The following PPP1R14C variants were observed in gnomAD, a reference collection of about 807,000 sequenced individuals.
PPP1R14C encodes protein phosphatase 1 regulatory subunit 14C.
A neutral mutation model predicts 20.4 loss-of-function variants in PPP1R14C; 16 were observed. The ratio of observed to expected loss-of-function variants is 0.78; its 90% CI spans 0.53 to 1.19. The LOEUF (loss-of-function observed/expected upper bound fraction) is 1.19, where lower values mean the gene tolerates loss of function less well. PPP1R14C is among the 50% of genes most tolerant of loss of function. The probability of loss-of-function intolerance (pLI) is 0.00; values close to 1 mark genes in which losing one functional copy is unlikely to be tolerated. For missense variants in PPP1R14C, 211 were observed against 220.1 expected, an observed-to-expected ratio of 0.96 and a Z score of 0.26; for synonymous variants, 91 against 91.0, an observed-to-expected ratio of 1.00 and a Z score of 0.00.
chr6:150,164,990 G>A (rs964805750), intron 1 of PPP1R14C, among the ~76,000 whole-genome samples: 2 of 152,210 alleles, frequency 1.3e-5, no homozygotes, highest in Non-Finnish European at 2.9e-5. Context: ...CTGCAAACCA[G>A]GAAGCTGGCT....
At chr6:150,176,956 C>A (rs1047189537) in intron 1 of PPP1R14C, among the ~76,000 whole-genome samples, 10 of 152,210 alleles carry the variant, frequency 6.6e-5, no homozygotes, top group African/African-American at 2.4e-4. Context: ...CTCCAGTGAT[C>A]CGGCCTCCCC....
chr6:150,185,195 A>G lies in PPP1R14C; in HGVS notation c.307-29549A>G, dbSNP rs1777663577. Among the ~76,000 whole-genome samples, 1 of 152,064 alleles carries G rather than the reference A, an allele frequency of 6.6e-6. No individual in the cohort carries two copies. The highest frequency in any genetic ancestry group is 1.5e-5 in the Non-Finnish European group (1 of 68,010). On this transcript the variant is annotated intron_variant, in intron 1 of 3. Coordinates refer to ENST00000361131, the MANE Select transcript of PPP1R14C (RefSeq NM_030949.3). The surrounding 1 kb of genome is among the most constrained non-coding windows in gnomAD (Gnocchi z 4.1). Reference sequence around the variant, plus strand: ...ATTTACTCAACTTCTTTCTTTATCGATTTCCTCATCTATAACATGTCAACA... The same window carrying G: ...ATTTACTCAACTTCTTTCTTTATCGGTTTCCTCATCTATAACATGTCAACA...
At chr6:150,197,087 T>C (rs548433887) in intron 1 of PPP1R14C, among the ~76,000 whole-genome samples, 69 of 152,272 alleles carry the variant, frequency 4.5e-4, no homozygotes, top group African/African-American at 1.5e-3. Flanking sequence ...TTGCTGCACC[T>C]CTATAGATCC....
At chr6:150,236,958 A>G (rs538876181) in intron 3 of PPP1R14C, among the ~76,000 whole-genome samples, 1 of 152,216 alleles carries the variant, frequency 6.6e-6, no homozygotes, top group East Asian at 1.9e-4. Context: ...CTAAGCTGGG[A>G]AAACTGACCA....
At chr6:150,165,443 A>C (rs1387006499) in intron 1 of PPP1R14C, among the ~76,000 whole-genome samples, 1 of 152,228 alleles carries the variant, frequency 6.6e-6, no homozygotes, top group Admixed American at 6.5e-5. Flanking sequence ...CTGCTGGCTA[A>C]AGTCCTTGGG....
At chr6:150,166,238 G>A (rs552407017) in intron 1 of PPP1R14C, among the ~76,000 whole-genome samples, 95 of 151,926 alleles carry the variant, frequency 6.3e-4, no homozygotes, top group Non-Finnish European at 1.3e-3. Context: ...CCGCTACCAC[G>A]CCCGGCTAAT....
intron 3 of PPP1R14C, among the ~76,000 whole-genome samples, chr6:150,240,648 A>G (rs370479824): frequency 2.0e-5 from 3 of 152,230 alleles, no homozygotes; most frequent in South Asian, 4.1e-4. Flanking sequence ...GAGAGGACCT[A>G]TCAGAAGTAC....
chr6:150,248,528 C>T lies in PPP1R14C; in HGVS notation c.424-218C>T, dbSNP rs377456882. 3.2e-4 allele frequency among the ~76,000 whole-genome samples: 49 copies of T among 152,264 alleles called. 1 individual carries two copies. The South Asian group carries it at 8.1e-3, about 25-fold the overall frequency. ...GTAGTGAAAGTAGCCTGGTTTCCCCCGTAAAGAAAGTAGAACAATAAGAAG... is the reference window on the plus strand; with the variant it reads ...GTAGTGAAAGTAGCCTGGTTTCCCCTGTAAAGAAAGTAGAACAATAAGAAG... On this transcript the variant is annotated intron_variant, in intron 3 of 3. Coordinates refer to ENST00000361131, the MANE Select transcript of PPP1R14C (RefSeq NM_030949.3).
At chr6:150,213,976 G>A (rs760650148) in intron 1 of PPP1R14C, among the ~76,000 whole-genome samples, 4 of 152,216 alleles carry the variant, frequency 2.6e-5, no homozygotes, top group African/African-American at 4.8e-5. Context: ...TCTGCCTAAC[G>A]TGGAGTCAGC....
rs1376035122 is a variant in PPP1R14C at position 150,143,429 on chromosome 6, G to A, written c.237G>A (p.Lys79=). 3 of 1,612,270 alleles carry A rather than the reference G, an allele frequency of 1.9e-6. No homozygotes were observed. The Admixed American group carries it at 5.0e-5, about 27-fold the overall frequency. ...QGKVTVKYDR[K]ELRKRLVLEE... ...AAGTGACAGTGAAATACGATCGTAAGGAGCTTCGGAAGCGGCTGGTGCTGG... is the reference window on the plus strand; with the variant it reads ...AAGTGACAGTGAAATACGATCGTAAAGAGCTTCGGAAGCGGCTGGTGCTGG... Residue 79 remains lysine, a synonymous_variant, in exon 1 of 4, where the codon AAG becomes AAA. Transcript: ENST00000361131. This position sits in a 1 kb window ranked among gnomAD's most constrained non-coding sequence, Gnocchi z 5.6.
chr6:150,202,301 A>G (rs1777888370), intron 1 of PPP1R14C, among the ~76,000 whole-genome samples: 1 of 152,170 alleles, frequency 6.6e-6, no homozygotes. Context: ...TCTGTCACGC[A>G]GGCTGGGTCC....
At chr6:150,194,962 G>A (rs1226640192) in intron 1 of PPP1R14C, 1 of 985,204 alleles carries the variant, frequency 1.0e-6, no homozygotes, top group African/African-American at 1.7e-5. Context: ...AATTGATAAA[G>A]GCAAAAGTTA....
At chr6:150,210,599 G>C (rs2114906569) in intron 1 of PPP1R14C, among the ~76,000 whole-genome samples, 1 of 152,278 alleles carries the variant, frequency 6.6e-6, no homozygotes, top group East Asian at 1.9e-4. Flanking sequence ...GCAGGACAAG[G>C]GGAACCGGCA....
intron 1 of PPP1R14C, among the ~76,000 whole-genome samples, chr6:150,175,401 TC>T (rs1284637682): frequency 6.6e-6 from 1 of 152,294 alleles, no homozygotes; most frequent in Non-Finnish European, 1.5e-5. Flanking sequence ...CTGTGTAAAA[TC>T]ACAGTGGTCA....
chr6:150,154,447 CAG>C (rs1478377200), intron 1 of PPP1R14C, among the ~76,000 whole-genome samples: 1 of 152,146 alleles, frequency 6.6e-6, no homozygotes, highest in East Asian at 1.9e-4. Flanking sequence ...TTTTCACCAA[CAG>C]AGTTTGTTTT....
At chr6:150,146,524 C>A (rs1393223184) in intron 1 of PPP1R14C, among the ~76,000 whole-genome samples, 1 of 152,166 alleles carries the variant, frequency 6.6e-6, no homozygotes, top group East Asian at 1.9e-4. Flanking sequence ...AACTGAAATG[C>A]AGTTAGGAGA....
chr6:150,156,042 A>AG (rs1294861535), intron 1 of PPP1R14C, among the ~76,000 whole-genome samples: 2 of 150,450 alleles, frequency 1.3e-5, no homozygotes, highest in African/African-American at 4.9e-5. Flanking sequence ...AAAAAAAAAA[A>AG]AAAAAAAAAA....
At chr6:150,166,765 T>G (rs953289706) in intron 1 of PPP1R14C, among the ~76,000 whole-genome samples, 3 of 152,238 alleles carry the variant, frequency 2.0e-5, no homozygotes, top group African/African-American at 7.2e-5. Context: ...TTGTGAATGT[T>G]ACTTCCGTGA....
chr6:150,166,241 C>T (rs936912389), intron 1 of PPP1R14C, among the ~76,000 whole-genome samples: 2 of 152,018 alleles, frequency 1.3e-5, no homozygotes, highest in African/African-American at 2.4e-5. Context: ...CTACCACGCC[C>T]GGCTAATTTT....
Sources: gnomAD v4.1 joint callset for allele counts (sites outside exome capture counted in the v4.1 genomes callset) on GRCh38, gnomAD v4.1.1 for gene constraint, Gnocchi (gnomAD v3.1) non-coding constraint, MANE v1.5 for transcripts, NCBI Gene and HGNC (gene_info 2026-07-23, HGNC 2026-07-21) for gene names.